The following FRMD4A variants were observed in gnomAD, a reference collection of about 807,000 sequenced individuals.
FRMD4A encodes the protein FERM domain containing 4A.
In FRMD4A, 29 loss-of-function variants were observed where a neutral mutation model predicts 129.1. That is an observed-to-expected ratio of 0.22 (90% CI 0.17 to 0.31). The LOEUF (loss-of-function observed/expected upper bound fraction) is 0.31. FRMD4A is among the 10% of genes least tolerant of loss of function. The pLI, the probability that FRMD4A is intolerant of heterozygous loss-of-function variation, is 1.00. For missense variants in FRMD4A, 1,272 were observed against 1,375.8 expected (o/e 0.92, Z 1.19); for synonymous variants, 634 against 571.6 (o/e 1.11, Z -1.56).
At chr10:14,223,893 G>C (rs1843349152) in intron 2 of FRMD4A, among the ~76,000 whole-genome samples, 1 of 152,124 alleles carries the variant, frequency 6.6e-6, no homozygotes, top group South Asian at 2.1e-4. Flanking sequence ...CTGTGGGATA[G>C]ATACTCCATT....
intron 2 of FRMD4A, among the ~76,000 whole-genome samples, chr10:13,866,940 T>G (rs1007707453): frequency 1.3e-5 from 2 of 152,144 alleles, no homozygotes; most frequent in Non-Finnish European, 2.9e-5. Flanking sequence ...AGAGTGAAAC[T>G]CTGTCTCAAA....
chr10:14,133,405 T>A (rs1477630542), intron 2 of FRMD4A, among the ~76,000 whole-genome samples: 1 of 152,236 alleles, frequency 6.6e-6, no homozygotes, highest in Non-Finnish European at 1.5e-5. Context: ...CATTCTGGTG[T>A]CTGGCCATAT....
intron 9 of FRMD4A, among the ~76,000 whole-genome samples, chr10:13,746,506 T>G (rs913563568): frequency 6.6e-6 from 1 of 152,106 alleles, no homozygotes; most frequent in Non-Finnish European, 1.5e-5. Context: ...AGTTCAATGC[T>G]GCTAATGAGC....
chr10:14,234,533 C>A (rs2131992931), intron 2 of FRMD4A, among the ~76,000 whole-genome samples: 1 of 152,254 alleles, frequency 6.6e-6, no homozygotes. Flanking sequence ...AAGTCGGTGG[C>A]TCTATTTGGG....
At chr10:14,190,363 G>A (rs952653552) in intron 2 of FRMD4A, among the ~76,000 whole-genome samples, 2 of 152,134 alleles carry the variant, frequency 1.3e-5, no homozygotes, top group Non-Finnish European at 1.5e-5. Context: ...CGGGTTTTCT[G>A]TTTGTTTGTT....
intron 12 of FRMD4A, among the ~76,000 whole-genome samples, chr10:13,737,496 A>C (rs1050235639): frequency 6.6e-6 from 1 of 152,146 alleles, no homozygotes; most frequent in African/African-American, 2.4e-5. Flanking sequence ...GATTCAAGAG[A>C]AATGTTACAT....
rs574210717 is a variant in FRMD4A, at chr10:14,056,737, C to T, written c.46-197825G>A. 1.3e-4 allele frequency among the ~76,000 whole-genome samples: 20 copies of T among 152,328 alleles called. No individual in the cohort carries two copies. In the South Asian group the frequency reaches 3.9e-3, roughly 30 times the overall value. ...GCCTATGGAGACCTCTCACCATCTG[C>T]CGCGGCTCTTTCATGTGCAAATAGT... On this transcript the variant is annotated intron_variant, in intron 2 of 24. Coordinates refer to ENST00000357447, the MANE Select transcript of FRMD4A (RefSeq NM_018027.5).
intron 5 of FRMD4A, among the ~76,000 whole-genome samples, chr10:13,784,920 G>A (rs1439553035): frequency 6.6e-6 from 1 of 151,780 alleles, no homozygotes; most frequent in Non-Finnish European, 1.5e-5. Flanking sequence ...GAACCCAGGA[G>A]GGGGAGGTTG....
At chr10:13,758,689 T>C (rs1277268678) in intron 8 of FRMD4A, among the ~76,000 whole-genome samples, 1 of 152,148 alleles carries the variant, frequency 6.6e-6, no homozygotes, top group Non-Finnish European at 1.5e-5. Context: ...CTTTTTTTGC[T>C]GAGAGCCTTC....
At chr10:14,241,348 G>A (rs1844033453) in intron 2 of FRMD4A, among the ~76,000 whole-genome samples, 7 of 152,076 alleles carry the variant, frequency 4.6e-5, no homozygotes, top group Admixed American at 1.3e-4. Context: ...TAACTCAGTT[G>A]GAACCATCTG....
chr10:14,299,800 G>C lies in FRMD4A; in HGVS notation c.45+30258C>G, dbSNP rs560219562. Among the ~76,000 whole-genome samples the C allele has an allele frequency of 8.9e-4, 135 of 152,270 alleles. 1 individual carries two copies. The highest frequency in any genetic ancestry group is 3.1e-3 in the African/African-American group (127 of 41,554). ...GAATAATTAAGAGCCTAGAAGGATT[G>C]ATCTGTCAGGGAAGATTAGAAGAAT... On this transcript the variant is annotated intron_variant, in intron 2 of 24. Transcript: ENST00000357447.
At chr10:13,745,334 GGTCCCT>G (rs1300828783) in intron 9 of FRMD4A, among the ~76,000 whole-genome samples, 11 of 152,250 alleles carry the variant, frequency 7.2e-5, no homozygotes, top group Non-Finnish European at 1.6e-4. Flanking sequence ...TCGTCAGGAG[GGTCCCT>G]GTCATTGACT....
intron 2 of FRMD4A, among the ~76,000 whole-genome samples, chr10:14,043,061 G>GA (rs1292028430): frequency 6.6e-6 from 1 of 151,216 alleles, no homozygotes; most frequent in African/African-American, 2.4e-5. Flanking sequence ...CAGACACTTA[G>GA]AAAATGTTCA....
At chr10:14,194,851 A>G (rs1039871271) in intron 2 of FRMD4A, among the ~76,000 whole-genome samples, 1 of 152,026 alleles carries the variant, frequency 6.6e-6, no homozygotes, top group Non-Finnish European at 1.5e-5. Context: ...TAAAATCATT[A>G]TTAATCTGTT....
intron 2 of FRMD4A, among the ~76,000 whole-genome samples, chr10:14,217,505 C>T (rs1843111725): frequency 6.6e-6 from 1 of 152,236 alleles, no homozygotes; most frequent in Non-Finnish European, 1.5e-5. Context: ...TCACCTTCTG[C>T]CATGATTGTC....
chr10:13,737,103 G>A (rs753730703), intron 12 of FRMD4A, among the ~76,000 whole-genome samples: 6 of 150,780 alleles, frequency 4.0e-5, no homozygotes, highest in Non-Finnish European at 8.8e-5. Flanking sequence ...TCTGTTTTTT[G>A]TTTTGAGACA....
At chr10:13,949,925 T>C (rs1366698336) in intron 2 of FRMD4A, among the ~76,000 whole-genome samples, 1 of 152,224 alleles carries the variant, frequency 6.6e-6, no homozygotes, top group Admixed American at 6.5e-5. Flanking sequence ...GTTTTTCTCT[T>C]TGGAATGCAT....
At chr10:13,689,353 G>T (rs1412210321) in intron 15 of FRMD4A, among the ~76,000 whole-genome samples, 2 of 151,790 alleles carry the variant, frequency 1.3e-5, no homozygotes, top group African/African-American at 2.4e-5. Flanking sequence ...TTAGATGAGG[G>T]TCAGAGAATA....
chr10:14,302,956 G>A (rs184482525), intron 2 of FRMD4A, among the ~76,000 whole-genome samples: 1 of 152,146 alleles, frequency 6.6e-6, no homozygotes, highest in Admixed American at 6.5e-5. Context: ...TTTGATCTTG[G>A]AGGAGCAGTG....
Sources: gnomAD v4.1 joint callset for allele counts (sites outside exome capture counted in the v4.1 genomes callset) on GRCh38, gnomAD v4.1.1 for gene constraint, MANE v1.5 for transcripts, NCBI Gene and HGNC (gene_info 2026-07-23, HGNC 2026-07-21) for gene names.